The following GDPD5 variants were observed in gnomAD, a reference collection of about 807,000 sequenced individuals.
GDPD5 encodes the protein glycerophosphodiester phosphodiesterase domain containing 5.
A neutral mutation model predicts 75.1 loss-of-function variants in GDPD5; 48 were observed. The ratio of observed to expected loss-of-function variants is 0.64; its 90% CI spans 0.51 to 0.81. The LOEUF (loss-of-function observed/expected upper bound fraction) is 0.81, where lower values mean the gene tolerates loss of function less well. Ranked by LOEUF, GDPD5 falls within the 40% of genes least tolerant of loss-of-function variation. The pLI, the probability that GDPD5 is intolerant of heterozygous loss-of-function variation, is 0.00. For synonymous variants in GDPD5, 336 were observed against 339.0 expected, an observed-to-expected ratio of 0.99 and a Z score of 0.10; for missense variants, 706 against 822.6, an observed-to-expected ratio of 0.86 and a Z score of 1.73.
chr11:75,476,444 C>G (rs907839465), intron 3 of GDPD5, among the ~76,000 whole-genome samples: 1 of 151,506 alleles, frequency 6.6e-6, no homozygotes, highest in Non-Finnish European at 1.5e-5. Flanking sequence ...ACCACCAAAA[C>G]CTGAATCCAT....
At chr11:75,474,830 C>T (rs1299013435) in intron 3 of GDPD5, among the ~76,000 whole-genome samples, 6 of 152,226 alleles carry the variant, frequency 3.9e-5, no homozygotes, top group African/African-American at 1.4e-4. Flanking sequence ...CATCTTGTCC[C>T]AAATGCTCCT....
At chr11:75,504,544 A>T (rs1950356465) in intron 1 of GDPD5, among the ~76,000 whole-genome samples, 1 of 152,258 alleles carries the variant, frequency 6.6e-6, no homozygotes, top group South Asian at 2.1e-4. Context: ...CCATGAGGAC[A>T]CTATGCTAAG....
intron 3 of GDPD5, among the ~76,000 whole-genome samples, chr11:75,467,303 A>C (rs962335255): frequency 2.0e-5 from 3 of 152,200 alleles, no homozygotes; most frequent in Admixed American, 6.5e-5. Context: ...GAAGGGCTTC[A>C]AGTGGCACAC....
intron 6 of GDPD5, chr11:75,452,842 C>T (rs983828533): frequency 6.6e-6 from 1 of 152,306 alleles, no homozygotes; most frequent in Non-Finnish European, 1.5e-5. Flanking sequence ...ACCCAGTGCT[C>T]CTCTCTGGGG....
chr11:75,481,919 C>G (rs1225695481), intron 2 of GDPD5, among the ~76,000 whole-genome samples: 1 of 152,146 alleles, frequency 6.6e-6, no homozygotes, highest in Admixed American at 6.5e-5. Context: ...CAGGTAACAG[C>G]TGCTGCCTTG....
At chr11:75,492,058 T>C (rs1950118788) in intron 1 of GDPD5, among the ~76,000 whole-genome samples, 1 of 152,172 alleles carries the variant, frequency 6.6e-6, no homozygotes, top group Non-Finnish European at 1.5e-5. Flanking sequence ...GGAAGGAAAG[T>C]ACCGCAGAGT....
chr11:75,448,487 C>T (rs1182527297), intron 9 of GDPD5: 1 of 985,818 alleles, frequency 1.0e-6, no homozygotes, highest in Non-Finnish European at 1.2e-6. Flanking sequence ...AGCCTGCCCT[C>T]TCACCGAAGC....
chr11:75,502,874 G>A (rs939110781), intron 1 of GDPD5, among the ~76,000 whole-genome samples: 2 of 152,170 alleles, frequency 1.3e-5, no homozygotes, highest in Non-Finnish European at 2.9e-5. Context: ...GAGAGAAGCT[G>A]GGCAAACCTC....
chr11:75,440,029 G>T, intron 14 of GDPD5, 68 bp from the exon 15 acceptor site: 1 of 1,269,254 alleles, frequency 7.9e-7, no homozygotes, highest in Non-Finnish European at 1.1e-6. Flanking sequence ...CAGACTGAGG[G>T]TCCGTGGACC....
rs895091700 is a variant in GDPD5 at position 75,459,626 on chromosome 11, C to T, written c.222-1840G>A. 1.2e-4 allele frequency among the ~76,000 whole-genome samples: 18 copies of T among 152,010 alleles called. No individual in the cohort carries two copies. The South Asian group carries it at 2.1e-3, about 18-fold the overall frequency. On this transcript the variant is annotated intron_variant, in intron 4 of 16. Transcript: ENST00000336898. ...TCACGAGGTCAGGAGATCAAGACCACGGTGAAACCCCGTCTCTACTAAAAA... is the reference window on the plus strand; with the variant it reads ...TCACGAGGTCAGGAGATCAAGACCATGGTGAAACCCCGTCTCTACTAAAAA...
intron 16 of GDPD5, among the ~76,000 whole-genome samples, chr11:75,436,484 G>T (rs1002810326): frequency 2.4e-5 from 2 of 83,378 alleles, no homozygotes; most frequent in South Asian, 3.4e-4. Context: ...CCCCCCGCCC[G>T]GCACTCCCAT....
chr11:75,445,327 T>A (rs533017804), intron 9 of GDPD5, among the ~76,000 whole-genome samples: 2 of 152,290 alleles, frequency 1.3e-5, no homozygotes, highest in African/African-American at 4.8e-5. Context: ...GGTTCTAGCC[T>A]TGACTCTGCC....
intron 3 of GDPD5, among the ~76,000 whole-genome samples, chr11:75,463,449 G>A (rs1949457444): frequency 1.3e-5 from 2 of 152,186 alleles, no homozygotes; most frequent in Admixed American, 6.5e-5. Flanking sequence ...GGTGGAAGTG[G>A]GGTGGCGGGG....
At chr11:75,442,211 T>A (rs991443978) in intron 12 of GDPD5, 152 bp downstream of exon 12, 7 of 635,388 alleles carry the variant, frequency 1.1e-5, no homozygotes, top group East Asian at 2.8e-5. Context: ...TCTTGTCCCA[T>A]GATGACCCTG....
chr11:75,452,625 C>G (rs987759733), intron 6 of GDPD5, among the ~76,000 whole-genome samples: 4 of 152,194 alleles, frequency 2.6e-5, no homozygotes, highest in African/African-American at 9.7e-5. Flanking sequence ...GTGAATGCGC[C>G]TTCCTTAAGC....
At chr11:75,517,834 CA>C (rs916674113) in intron 1 of GDPD5, among the ~76,000 whole-genome samples, 3 of 152,092 alleles carry the variant, frequency 2.0e-5, no homozygotes, top group Non-Finnish European at 4.4e-5. Flanking sequence ...TGACATTCTT[CA>C]GTTCTCCCAG....
At chr11:75,484,575 T>C (rs770175620) in intron 2 of GDPD5, among the ~76,000 whole-genome samples, 12 of 152,152 alleles carry the variant, frequency 7.9e-5, no homozygotes, top group Non-Finnish European at 1.5e-4. Flanking sequence ...TTTAAGCCCT[T>C]AATAAATGTG....
At chr11:75,447,381 G>T (rs1347849822) in intron 9 of GDPD5, among the ~76,000 whole-genome samples, 1 of 152,114 alleles carries the variant, frequency 6.6e-6, no homozygotes. Context: ...TGTAATAACA[G>T]CATTGTTGCT....
intron 1 of GDPD5, among the ~76,000 whole-genome samples, chr11:75,509,782 C>T (rs145980452): frequency 0.016 from 2,368 of 152,230 alleles, 29 homozygotes; most frequent in Non-Finnish European, 0.019. Context: ...TGGGTTCCAG[C>T]GATTCTCCTG....
Sources: gnomAD v4.1 joint callset for allele counts (sites outside exome capture counted in the v4.1 genomes callset) on GRCh38, gnomAD v4.1.1 for gene constraint, MANE v1.5 for transcripts, NCBI Gene and HGNC (gene_info 2026-07-23, HGNC 2026-07-21) for gene names.